Variants in MED13 observed in about 807,000 individuals in gnomAD.
MED13 encodes the protein mediator of RNA polymerase II transcription subunit 13.
MED13 carries 23 observed loss-of-function variants against 225.2 expected under a neutral mutation model. That is an observed-to-expected ratio of 0.10 (90% CI 0.07 to 0.14). The LOEUF (loss-of-function observed/expected upper bound fraction) is 0.14, where lower values mean the gene tolerates loss of function less well. Ranked by LOEUF, MED13 falls within the 10% of genes least tolerant of loss-of-function variation. The probability of loss-of-function intolerance (pLI) is 1.00; values close to 1 mark genes in which losing one functional copy is unlikely to be tolerated. For missense variants in MED13, 2,197 were observed against 2,594.5 expected (o/e 0.85, Z 3.33); for synonymous variants, 942 against 889.2 (o/e 1.06, Z -1.06).
At position 62,003,149 on chromosome 17, in the gene MED13, T is replaced by C. The variant is rs186797085; in HGVS notation, c.1967+7401A>G. On this transcript the variant is annotated intron_variant, in intron 9 of 29. Coordinates refer to ENST00000397786, the MANE Select transcript of MED13 (RefSeq NM_005121.3). ...GAAAAGGATAGAATCATCCAGATGA[T>C]TATTTTTAAAAGCAAACTTTTAACC... Among the ~76,000 whole-genome samples the C allele has an allele frequency of 5.3e-3, 798 of 150,370 alleles. 7 individuals are homozygous for C. Among genetic ancestry groups the C allele is most frequent in the African/African-American group, 0.019 (763 of 39,992 alleles).
At chr17:61,982,089 C>A in intron 16 of MED13, 109 bp downstream of exon 16, 1 of 1,064,742 alleles carries the variant, frequency 9.4e-7, no homozygotes, top group Non-Finnish European at 1.3e-6. Context: ...GTTTTAAGTC[C>A]AACTTTAAAT....
At chr17:62,060,238 A>G (rs1456172909) in intron 2 of MED13, among the ~76,000 whole-genome samples, 1 of 152,086 alleles carries the variant, frequency 6.6e-6, no homozygotes, top group Non-Finnish European at 1.5e-5. Flanking sequence ...GGTTGCAGTG[A>G]GCTGAGATTG....
chr17:62,035,354 T>A, intron 4 of MED13, 109 bp downstream of exon 4: 1 of 940,088 alleles, frequency 1.1e-6, no homozygotes, highest in Admixed American at 2.9e-5. Context: ...AAATCATCAT[T>A]AGGCTAAAGA....
chr17:61,949,200 T>C (rs935932849), intron 28 of MED13, among the ~76,000 whole-genome samples: 1 of 152,192 alleles, frequency 6.6e-6, no homozygotes, highest in Non-Finnish European at 1.5e-5. Context: ...GTGACTTATC[T>C]CCACTTCATG....
chr17:62,058,520 C>CAAAAAAAAAAAAAAAAAAAA (rs751957495), intron 2 of MED13, among the ~76,000 whole-genome samples: 6 of 53,384 alleles, frequency 1.1e-4, no homozygotes, highest in Admixed American at 2.1e-4. Context: ...GACTTCATCT[C>CAAAAAAAAAAAAAAAAAAAA]AAAAAAAAAA....
chr17:62,004,055 T>C (rs929274378), intron 9 of MED13: 2 of 152,218 alleles, frequency 1.3e-5, no homozygotes, highest in African/African-American at 4.8e-5. Flanking sequence ...AACTCACTAT[T>C]GAAGGTTTTA....
intron 9 of MED13, among the ~76,000 whole-genome samples, chr17:61,996,908 C>T (rs2080351716): frequency 6.6e-6 from 1 of 152,166 alleles, no homozygotes; most frequent in African/African-American, 2.4e-5. Context: ...GGTGTCAATA[C>T]TTGCTAGTGA....
At chr17:61,986,972 C>A in intron 12 of MED13, 35 bp downstream of exon 12, 2 of 1,396,894 alleles carry the variant, frequency 1.4e-6, no homozygotes, top group South Asian at 1.6e-5. Flanking sequence ...TCAAGGAAAA[C>A]AAATTATAAT....
At chr17:62,035,650 G>T (rs376098547) in intron 3 of MED13, 42 bp from the exon 4 acceptor site, 137 of 1,551,656 alleles carry the variant, frequency 8.8e-5, no homozygotes, top group Non-Finnish European at 1.1e-4. Flanking sequence ...ATGACTAGTG[G>T]CCAAAAATGT....
At chr17:62,030,094 G>A in intron 6 of MED13, 81 bp from the exon 7 acceptor site, 1 of 1,227,064 alleles carries the variant, frequency 8.1e-7, no homozygotes, top group Non-Finnish European at 1.1e-6. Context: ...TTATTAATTT[G>A]TGATACAAGC....
In MED13 at chr17:61,945,984, A is replaced by G. The variant is rs959373222; in HGVS notation, c.*484T>C. The G allele has an allele frequency of 1.3e-5, 2 of 152,698 alleles. No homozygotes were observed. Among genetic ancestry groups the G allele is most frequent in the African/African-American group, 4.8e-5 (2 of 41,452 alleles). 9.5% of individuals were successfully genotyped at this position (152,698 alleles called of 1,614,324 possible). A position where few individuals can be genotyped will look rare whatever the true frequency, so the allele number is the denominator to read the frequency against. On this transcript the variant is annotated 3_prime_UTR_variant, in exon 30 of 30. Coordinates refer to ENST00000397786, the MANE Select transcript of MED13 (RefSeq NM_005121.3). Reference sequence around the variant, plus strand: ...AGGAAAATTTTTATAAAAGAGGTTAAGAAATATAAGACAATTTATACATTT... The same window carrying G: ...AGGAAAATTTTTATAAAAGAGGTTAGGAAATATAAGACAATTTATACATTT...
intron 8 of MED13, among the ~76,000 whole-genome samples, chr17:62,026,322 C>A (rs1013984328): frequency 6.6e-6 from 1 of 152,022 alleles, no homozygotes; most frequent in African/African-American, 2.4e-5. Context: ...CATTAGAAAG[C>A]GTGACAGTTT....
Position 61,989,593 on chromosome 17 carries a change from C to T in MED13, c.2264-2465G>A, listed in dbSNP as rs776363677. Among the ~76,000 whole-genome samples, 9 of 152,226 alleles carry T rather than the reference C, an allele frequency of 5.9e-5. No individual in the cohort carries two copies. The East Asian group carries it at 9.6e-4, about 16-fold the overall frequency. On this transcript the variant is annotated intron_variant, in intron 11 of 29. Coordinates refer to ENST00000397786, the MANE Select transcript of MED13 (RefSeq NM_005121.3). ...CCTCAGGTGATCTGCCCACCTTGGC[C>T]TCCCAAAGTGCTCGGATTACAGGCA...
Position 62,065,142 on chromosome 17 carries a change from G to A in MED13, c.64C>T (p.Leu22=). 5 of 1,571,508 alleles carry A rather than the reference G, an allele frequency of 3.2e-6. No individual in the cohort carries two copies. Among genetic ancestry groups the A allele is most frequent in the South Asian group, 2.3e-5 (2 of 85,664 alleles). Residue 22 remains leucine (L), a splice_region_variant and synonymous_variant, in exon 1 of 30, where the codon CTG becomes TTG. Coordinates refer to ENST00000397786, the MANE Select transcript of MED13 (RefSeq NM_005121.3). ...CGCCCGCCGGCCCCGGCACTCACCA[G>A]GCAGAAGAGGTTACAGTGACAATCT... ...LEDCHCNLFC[L]ADLTGIKWKK... is the part of the protein sequence containing the mutation.
chr17:61,976,918 T>C (rs1015881391), intron 16 of MED13, among the ~76,000 whole-genome samples: 1 of 151,926 alleles, frequency 6.6e-6, no homozygotes, highest in Admixed American at 6.6e-5. Context: ...GGCAACAGAG[T>C]GAGACTCCGT....
chr17:62,022,809 A>C (rs576143801), intron 8 of MED13, among the ~76,000 whole-genome samples: 1 of 152,280 alleles, frequency 6.6e-6, no homozygotes, highest in Non-Finnish European at 1.5e-5. Flanking sequence ...CAGGAGTTCA[A>C]GACCAGCCTG....
chr17:61,951,621 T>C (rs942588808), intron 27 of MED13, among the ~76,000 whole-genome samples: 1 of 152,194 alleles, frequency 6.6e-6, no homozygotes, highest in Non-Finnish European at 1.5e-5. Context: ...AATTAGGGTA[T>C]AGCAAAAATG....
chr17:61,967,988 CA>C, intron 18 of MED13, 46 bp downstream of exon 18: 1 of 1,445,502 alleles, frequency 6.9e-7, no homozygotes, highest in Non-Finnish European at 9.7e-7. Context: ...TACAACAATA[CA>C]AATCGTAAGG....
chr17:61,953,911 C>A (rs574749437), intron 26 of MED13, among the ~76,000 whole-genome samples: 6 of 152,318 alleles, frequency 3.9e-5, no homozygotes, highest in African/African-American at 1.4e-4. Context: ...AGTACCAAAT[C>A]CTATATACTG....
Sources: allele counts gnomAD v4.1 joint callset (sites outside exome capture counted in the v4.1 genomes callset), GRCh38; gene constraint gnomAD v4.1.1; transcripts MANE v1.5; gene names NCBI Gene and HGNC (gene_info 2026-07-23, HGNC 2026-07-21).